The following PGM2 variants were observed in gnomAD, a reference collection of about 807,000 sequenced individuals.
PGM2 encodes the protein phosphoglucomutase 2, also known as phosphopentomutase.
Under a neutral mutation model 74.6 loss-of-function variants are expected in PGM2, and 57 were observed. The observed-to-expected ratio is 0.76, with a 90% CI of 0.62 to 0.95. The LOEUF is 0.95. Ranked by LOEUF, PGM2 falls within the 40% of genes least tolerant of loss-of-function variation. The pLI is 0.00. For synonymous variants in PGM2, 273 were observed against 260.7 expected, an observed-to-expected ratio of 1.05 and a Z score of -0.46; for missense variants, 706 against 741.9, an observed-to-expected ratio of 0.95 and a Z score of 0.56.
In PGM2 at chr4:37,850,321, C is replaced by A; in HGVS notation, c.1550C>A (p.Ala517Asp). 1.3e-6 allele frequency: 2 copies of A among 1,588,338 alleles called. No homozygotes were observed. The highest frequency in any genetic ancestry group is 1.7e-6 in the Non-Finnish European group (2 of 1,172,550). ...GCTTGTGGCAAATTTGAAATTTCTG[C>A]CATTAGGGACCTTACAACTGGCTAT... ...PKACGKFEIS[A>D]IRDLTTGYDD... The change falls in exon 12 of 14, where the codon GCC (alanine) becomes GAC (aspartate). Residue 517 changes from alanine to aspartate, a missense_variant. Ala to Asp is a moderately radical substitution (Grantham distance 126, BLOSUM62 -2). Transcript: ENST00000381967.
intron 5 of PGM2, 58 bp from the exon 6 acceptor site, chr4:37,840,008 A>G (rs1299602371): frequency 2.6e-6 from 4 of 1,530,046 alleles, no homozygotes; most frequent in Non-Finnish European, 3.6e-6. Flanking sequence ...ACCATAGGTA[A>G]TAGGTGCCTT....
Position 37,845,692 on chromosome 4 carries a change from G to A in PGM2, c.969G>A (p.Pro323=), listed in dbSNP as rs762858121. 52 of 1,613,194 alleles carry A rather than the reference G, an allele frequency of 3.2e-5. No individual in the cohort carries two copies. In the Middle Eastern group the frequency reaches 4.9e-4, roughly 15 times the overall value. ...CCAGAATTGTTTTAGCTAACGACCC[G>A]GATGCTGATAGACTTGCTGTGGCAG... is the stretch of plus-strand genomic sequence containing the variant. ...TKARIVLAND[P]DADRLAVAEK... is the part of the protein sequence containing the mutation. The change falls in exon 8 of 14, where the codon CCG becomes CCA. Residue 323 remains proline (P), a synonymous_variant. Transcript: ENST00000381967.
chr4:37,832,531 G>A (rs1046285794), intron 2 of PGM2, among the ~76,000 whole-genome samples: 7 of 152,210 alleles, frequency 4.6e-5, no homozygotes, highest in African/African-American at 1.2e-4. Flanking sequence ...TATGTCAAAG[G>A]AAACAGGACA....
chr4:37,858,340 GTT>G (rs762905212), intron 13 of PGM2, among the ~76,000 whole-genome samples: 25,817 of 151,246 alleles, frequency 0.17, 2,694 homozygotes, highest in African/African-American at 0.3. Flanking sequence ...TTTTTGTTTT[GTT>G]TTTTGTTTTT....
Position 37,861,591 on chromosome 4 carries a change from T to C in PGM2, c.1818T>C (p.Asn606=), listed in dbSNP as rs776857210. The change falls in exon 14 of 14, where the codon AAT becomes AAC. Residue 606 remains asparagine, a synonymous_variant. Coordinates refer to ENST00000381967, the MANE Select transcript of PGM2 (RefSeq NM_018290.4). The stretch of plus-strand genomic sequence containing the variant: ...ATTTTTTCCAGCCACAGAAGTACAA[T>C]CTGCAGCCAAAAGCAGACTAAAATA... The part of the protein sequence containing the change: ...EEHFFQPQKY[N]LQPKAD The C allele has an allele frequency of 3.1e-6, 5 of 1,612,056 alleles. No homozygotes were observed. In the East Asian group the frequency reaches 1.1e-4, roughly 36 times the overall value.
At chr4:37,834,361 CAA>C (rs1725510266) in intron 2 of PGM2, among the ~76,000 whole-genome samples, 1 of 151,580 alleles carries the variant, frequency 6.6e-6, no homozygotes, top group African/African-American at 2.4e-5. Context: ...AATTTCCTAA[CAA>C]AGTTGATCTG....
At chr4:37,850,581 A>T (rs923009443) in intron 12 of PGM2, among the ~76,000 whole-genome samples, 1 of 152,114 alleles carries the variant, frequency 6.6e-6, no homozygotes, top group African/African-American at 2.4e-5. Flanking sequence ...TGGGCAAATC[A>T]CTTGAGATCA....
intron 12 of PGM2, among the ~76,000 whole-genome samples, chr4:37,852,133 CTTT>C (rs778968323): frequency 4.2e-5 from 2 of 47,258 alleles, no homozygotes; most frequent in African/African-American, 1.6e-4. Flanking sequence ...ATGCCCAGCT[CTTT>C]TTTTTTTTTT....
At chr4:37,857,366 A>G (rs1711560564) in intron 13 of PGM2, among the ~76,000 whole-genome samples, 1 of 152,232 alleles carries the variant, frequency 6.6e-6, no homozygotes, top group African/African-American at 2.4e-5. Context: ...AAAGCAGATG[A>G]AAATTCCTGA....
intron 1 of PGM2, among the ~76,000 whole-genome samples, chr4:37,827,322 C>T (rs1474449240): frequency 1.3e-5 from 2 of 152,208 alleles, no homozygotes; most frequent in Admixed American, 1.3e-4. Context: ...CGGGTGGGCC[C>T]GCCTGGCTTC....
chr4:37,843,044 C>T (rs1414898146), intron 6 of PGM2, among the ~76,000 whole-genome samples: 1 of 152,102 alleles, frequency 6.6e-6, no homozygotes, highest in Non-Finnish European at 1.5e-5. Flanking sequence ...GAAAAAACTA[C>T]AAGGAAGAGT....
At chr4:37,834,201 G>A (rs561535723) in intron 2 of PGM2, among the ~76,000 whole-genome samples, 5 of 151,546 alleles carry the variant, frequency 3.3e-5, no homozygotes, top group African/African-American at 4.9e-5. Flanking sequence ...GGGCCTGGTA[G>A]CATGCACCTG....
At chr4:37,841,100 A>ATATATATATATATATATATG (rs1202149456) in intron 6 of PGM2, among the ~76,000 whole-genome samples, 78 of 115,674 alleles carry the variant, frequency 6.7e-4, no homozygotes, top group Admixed American at 4.8e-3. Flanking sequence ...ATATATATAT[A>ATATATATATATATATATATG]TGTGTGTGTG....
chr4:37,844,450 CT>C lies in PGM2; in HGVS notation c.810del (p.Phe270LeufsTer22). 6.2e-7 allele frequency: 1 copy of C among 1,613,404 alleles called. No individual in the cohort carries two copies. Reference protein sequence around the residue: ...GHSFVQSAFKAFDLVPPEAVP... With the variant: ...GHSFVQSAFKXFDLVPPEAVP... The stretch of plus-strand genomic sequence containing the variant: ...AGCTTTGTGCAGTCAGCTTTCAAGG[CT>C]TTTGACCTTGTTCCTCCTGAGGCTG... On this transcript the variant is annotated frameshift_variant, in exon 7 of 14. Transcript: ENST00000381967. LOFTEE classifies it high-confidence loss of function.
chr4:37,844,038 A>G (rs1725800006), intron 6 of PGM2, among the ~76,000 whole-genome samples: 1 of 152,118 alleles, frequency 6.6e-6, no homozygotes. Context: ...GGCTGGCTGT[A>G]GCACTGTCAG....
At position 37,830,146 on chromosome 4, in the gene PGM2, A is replaced by G. The variant is rs1328306873; in HGVS notation, c.249+15A>G. 6.6e-7 allele frequency: 1 copy of G among 1,505,552 alleles called. No homozygotes were observed. The highest frequency in any genetic ancestry group is 8.9e-7 in the Non-Finnish European group (1 of 1,123,730). 93.3% of individuals were successfully genotyped at this position (1,505,552 alleles called of 1,614,324 possible). A position where few individuals can be genotyped will look rare whatever the true frequency, so the allele number is the denominator to read the frequency against. The stretch of plus-strand genomic sequence containing the variant: ...AGACTACACAGGTACCATGTTTTTT[A>G]TAATTCTTAGTAACTCAATGTATCC... On this transcript the variant is annotated intron_variant, in intron 2 of 13. Transcript: ENST00000381967.
intron 10 of PGM2, 22 bp from the exon 11 acceptor site, chr4:37,848,500 T>C: frequency 1.2e-6 from 2 of 1,606,248 alleles, no homozygotes; most frequent in South Asian, 2.2e-5. Context: ...TATAGATGTA[T>C]GTATGACGTG....
chr4:37,831,610 A>C (rs1442515040), intron 2 of PGM2, among the ~76,000 whole-genome samples: 1 of 152,168 alleles, frequency 6.6e-6, no homozygotes, highest in Non-Finnish European at 1.5e-5. Context: ...GAACCCCTTC[A>C]TGTGGCCTGG....
rs78590773 is a variant in PGM2, at chr4:37,855,034, G to A, written c.1603-574G>A. Reference sequence around the variant, plus strand: ...CTCACATATTGATCATGTATTTGTAGTGAGAACACTTAAAATCTACTCTCT... The same window carrying A: ...CTCACATATTGATCATGTATTTGTAATGAGAACACTTAAAATCTACTCTCT... On this transcript the variant is annotated intron_variant, in intron 12 of 13. Transcript: ENST00000381967. Among the ~76,000 whole-genome samples the A allele has an allele frequency of 7.3e-3, 1,117 of 152,244 alleles. 15 individuals are homozygous for A. Among genetic ancestry groups the A allele is most frequent in the African/African-American group, 0.025 (1,054 of 41,520 alleles).
Sources: gnomAD v4.1 joint callset for allele counts (sites outside exome capture counted in the v4.1 genomes callset) on GRCh38, gnomAD v4.1.1 for gene constraint, MANE v1.5 for transcripts, NCBI Gene and HGNC (gene_info 2026-07-23, HGNC 2026-07-21) for gene names.